Variants in PIBF1 observed in about 807,000 individuals in gnomAD.
PIBF1 encodes progesterone immunomodulatory binding factor 1, also known as progesterone-induced-blocking factor 1.
A neutral mutation model predicts 112.5 loss-of-function variants in PIBF1; 90 were observed. The ratio of observed to expected loss-of-function variants is 0.80; its 90% CI spans 0.67 to 0.95. PIBF1 has a LOEUF of 0.95. Ranked by LOEUF, PIBF1 falls within the 40% of genes least tolerant of loss-of-function variation. PIBF1 has a pLI of 0.00. For synonymous variants in PIBF1, 301 were observed against 288.6 expected (o/e 1.04, Z -0.44); for missense variants, 915 against 852.3 (o/e 1.07, Z -0.92).
chr13:72,839,217 A>T (rs2037495867), intron 9 of PIBF1, among the ~76,000 whole-genome samples: 1 of 152,200 alleles, frequency 6.6e-6, no homozygotes, highest in East Asian at 1.9e-4. Context: ...TAGTATCAGT[A>T]AAGATGAGAG....
chr13:72,787,354 G>A (rs2034655287), intron 2 of PIBF1, among the ~76,000 whole-genome samples: 1 of 152,180 alleles, frequency 6.6e-6, no homozygotes, highest in Non-Finnish European at 1.5e-5. Context: ...TTTCTTGTGA[G>A]CAGTGATTCT....
At chr13:72,783,394 C>A in intron 1 of PIBF1, 29 bp from the exon 2 acceptor site, 2 of 965,744 alleles carry the variant, frequency 2.1e-6, no homozygotes, top group Non-Finnish European at 3.2e-6. Flanking sequence ...TTTTATAGTA[C>A]ATTTGAATTA....
chr13:72,862,106 G>GA (rs528794111), intron 10 of PIBF1, among the ~76,000 whole-genome samples: 4 of 151,392 alleles, frequency 2.6e-5, no homozygotes, highest in Non-Finnish European at 5.9e-5. Flanking sequence ...AATGGACCAG[G>GA]AAAAAAAACA....
At chr13:72,905,190 C>T (rs2040655546) in intron 11 of PIBF1, among the ~76,000 whole-genome samples, 1 of 151,894 alleles carries the variant, frequency 6.6e-6, no homozygotes, top group Admixed American at 6.6e-5. Flanking sequence ...GCCTCAGTCT[C>T]CTGAGTAGCT....
chr13:72,964,150 C>A (rs2042679007), intron 14 of PIBF1, among the ~76,000 whole-genome samples: 1 of 152,098 alleles, frequency 6.6e-6, no homozygotes, highest in Non-Finnish European at 1.5e-5. Flanking sequence ...TATTATTTAC[C>A]ATTAAAAGGA....
At chr13:72,860,448 A>C (rs1419551872) in intron 10 of PIBF1, among the ~76,000 whole-genome samples, 1 of 151,878 alleles carries the variant, frequency 6.6e-6, no homozygotes, top group Non-Finnish European at 1.5e-5. Context: ...GGAATATCGT[A>C]TATATTTTGT....
chr13:72,799,018 A>G (rs1458439641), intron 5 of PIBF1, among the ~76,000 whole-genome samples: 1 of 152,230 alleles, frequency 6.6e-6, no homozygotes, highest in Non-Finnish European at 1.5e-5. Context: ...CAGTGAACCC[A>G]AGAGAGGCAA....
intron 16 of PIBF1, among the ~76,000 whole-genome samples, chr13:72,986,839 C>T (rs1364993342): frequency 2.0e-5 from 3 of 152,022 alleles, no homozygotes; most frequent in Non-Finnish European, 2.9e-5. Flanking sequence ...TACAGGCGCC[C>T]GCCACCGCGC....
At chr13:72,801,716 A>G (rs2035485146) in intron 5 of PIBF1, among the ~76,000 whole-genome samples, 3 of 152,208 alleles carry the variant, frequency 2.0e-5, no homozygotes, top group South Asian at 4.1e-4. Context: ...TTCTCCAGTA[A>G]AATGTGAATC....
At chr13:72,818,606 T>C (rs2036400501) in intron 5 of PIBF1, among the ~76,000 whole-genome samples, 1 of 151,828 alleles carries the variant, frequency 6.6e-6, no homozygotes, top group African/African-American at 2.4e-5. Flanking sequence ...TTCCAATCCA[T>C]ATAATTTGTT....
intron 2 of PIBF1, 59 bp downstream of exon 2, chr13:72,783,780 A>G: frequency 7.0e-7 from 1 of 1,432,258 alleles, no homozygotes. Flanking sequence ...ACGGCAGGTA[A>G]ATAAGAATTA....
intron 14 of PIBF1, among the ~76,000 whole-genome samples, chr13:72,935,170 GA>G (rs1361805979): frequency 6.6e-6 from 1 of 152,110 alleles, no homozygotes; most frequent in Non-Finnish European, 1.5e-5. Context: ...ATTTTTAGTA[GA>G]GGCGGGGTTT....
At chr13:72,993,451 A>G (rs1164968397) in intron 16 of PIBF1, among the ~76,000 whole-genome samples, 1 of 152,218 alleles carries the variant, frequency 6.6e-6, no homozygotes, top group African/African-American at 2.4e-5. Context: ...TAAACCCTCC[A>G]AAAACTTAGA....
At chr13:73,012,336 A>G (rs541677316) in intron 17 of PIBF1, among the ~76,000 whole-genome samples, 11 of 152,258 alleles carry the variant, frequency 7.2e-5, no homozygotes, top group Admixed American at 5.2e-4. Context: ...TGGACAACAA[A>G]GTGAGACTCT....
chr13:72,884,515 ATGTT>A (rs1301614707), intron 10 of PIBF1: 4 of 152,166 alleles, frequency 2.6e-5, no homozygotes, highest in Admixed American at 1.3e-4. Context: ...GCCCAGGAAA[ATGTT>A]TGAGAGAAGA....
intron 16 of PIBF1, among the ~76,000 whole-genome samples, chr13:72,987,858 AT>A (rs55999445): frequency 0.13 from 7,343 of 58,040 alleles, 380 homozygotes; most frequent in Non-Finnish European, 0.14. Flanking sequence ...TTATTTATTT[AT>A]TTTTTTTTTT....
intron 5 of PIBF1, among the ~76,000 whole-genome samples, chr13:72,805,146 G>A (rs2035662110): frequency 6.6e-6 from 1 of 151,786 alleles, no homozygotes; most frequent in African/African-American, 2.4e-5. Context: ...GCTAATTTTT[G>A]TTTGTTTGTT....
At chr13:72,859,620 A>G (rs1594070171) in intron 10 of PIBF1, among the ~76,000 whole-genome samples, 1 of 152,336 alleles carries the variant, frequency 6.6e-6, no homozygotes, top group East Asian at 1.9e-4. Flanking sequence ...AGAAGTAATT[A>G]ACTGAATGAA....
chr13:72,996,494 C>G (rs528926269), intron 16 of PIBF1, among the ~76,000 whole-genome samples: 2 of 152,226 alleles, frequency 1.3e-5, no homozygotes, highest in East Asian at 3.9e-4. Context: ...AATAGTACCA[C>G]TACATGTGCT....
Sources: allele counts gnomAD v4.1 joint callset (sites outside exome capture counted in the v4.1 genomes callset), GRCh38; gene constraint gnomAD v4.1.1; transcripts MANE v1.5; gene names NCBI Gene and HGNC (gene_info 2026-07-23, HGNC 2026-07-21).